Variants in FRMPD3 observed in about 807,000 individuals in gnomAD.
FRMPD3 encodes FERM and PDZ domain containing 3, also known as FERM and PDZ domain-containing protein 3.
FRMPD3 carries 42 observed loss-of-function variants against 97.9 expected under a neutral mutation model. That is an observed-to-expected ratio of 0.43 (90% CI 0.34 to 0.55). The LOEUF (loss-of-function observed/expected upper bound fraction) is 0.55. Ranked by LOEUF, FRMPD3 falls within the 20% of genes least tolerant of loss-of-function variation. FRMPD3 has a pLI of 0.03. For synonymous variants in FRMPD3, 577 were observed against 581.1 expected (o/e 0.99, Z 0.10); for missense variants, 1,303 against 1,457.7 (o/e 0.89, Z 1.73).
In FRMPD3 at chrX:107,600,559, A is replaced by G. The variant is rs749886736; in HGVS notation, c.2520A>G (p.Pro840=). The change falls in exon 15 of 15, where the codon CCA becomes CCG. Residue 840 remains proline (P), a synonymous_variant. Coordinates refer to ENST00000683843, the MANE Select transcript of FRMPD3 (RefSeq NM_001388459.1). ...PYSLGRPDPN[P]SLQPIATGQS... ...CTCTTGGGCGCCCGGATCCCAACCC[A>G]TCTCTCCAACCCATTGCCACAGGCC... 1.7e-6 allele frequency: 2 copies of G among 1,209,519 alleles called. No individual in the cohort carries two copies. Among genetic ancestry groups the G allele is most frequent in the Non-Finnish European group, 2.2e-6 (2 of 894,928 alleles).
intron 3 of FRMPD3, among the ~76,000 whole-genome samples, chrX:107,532,490 G>A (rs188634599): frequency 1.1e-3 from 123 of 112,581 alleles, no homozygotes; most frequent in Middle Eastern, 4.6e-3. Flanking sequence ...GGGAGACATG[G>A]CAAGGGGCTG....
At chrX:107,517,432 C>T (rs1442982758) in intron 1 of FRMPD3, among the ~76,000 whole-genome samples, 1 of 111,182 alleles carries the variant, frequency 9.0e-6, no homozygotes, top group Non-Finnish European at 1.9e-5. Flanking sequence ...GGAGAGAGGG[C>T]GAGTGATGAA....
chrX:107,478,588 G>C (rs1921259494), intron 1 of FRMPD3, among the ~76,000 whole-genome samples: 1 of 111,671 alleles, frequency 9.0e-6, no homozygotes, highest in African/African-American at 3.3e-5. Flanking sequence ...TCAAGCATCT[G>C]GTCCAGGGTG....
chrX:107,495,991 C>T (rs1921767752), intron 1 of FRMPD3, among the ~76,000 whole-genome samples: 1 of 111,761 alleles, frequency 8.9e-6, no homozygotes, highest in African/African-American at 3.3e-5. Flanking sequence ...CTTGTGTGAT[C>T]TTTAGCAAGT....
At chrX:107,588,147 G>T (rs1197750300) in intron 13 of FRMPD3, among the ~76,000 whole-genome samples, 2 of 111,517 alleles carry the variant, frequency 1.8e-5, no homozygotes, top group African/African-American at 6.5e-5. Flanking sequence ...GCTTCCCTTT[G>T]TAGGTGACCT....
chrX:107,553,284 G>C (rs374618964), intron 7 of FRMPD3, among the ~76,000 whole-genome samples: 7 of 107,957 alleles, frequency 6.5e-5, no homozygotes, highest in Non-Finnish European at 1.3e-4. Flanking sequence ...CATGAAGGCT[G>C]TTATGGAAGG....
At chrX:107,482,408 C>T (rs201585952) in intron 1 of FRMPD3, among the ~76,000 whole-genome samples, 1 of 112,085 alleles carries the variant, frequency 8.9e-6, no homozygotes, top group Admixed American at 9.5e-5. Flanking sequence ...CAGTCTGAAG[C>T]TCCTGATCTC....
chrX:107,504,500 A>G (rs1020638126), intron 1 of FRMPD3, among the ~76,000 whole-genome samples: 35 of 112,472 alleles, frequency 3.1e-4, no homozygotes, highest in African/African-American at 1.1e-3. Context: ...TACTTGGGGT[A>G]GGAGAGAGTA....
At position 107,601,480 on chromosome X, in the gene FRMPD3, C is replaced by T; in HGVS notation, c.3441C>T (p.Cys1147=). The part of the protein sequence containing the change: ...SCQSRSHSPS[C]QPHGHSPSSQ... ...AGTCAAGAAGCCACAGCCCCAGCTG[C>T]CAGCCTCATGGCCACAGCCCCAGCA... is the stretch of plus-strand genomic sequence containing the variant. The change falls in exon 15 of 15, where the codon TGC becomes TGT. Residue 1147 remains cysteine, a synonymous_variant. Coordinates refer to ENST00000683843, the MANE Select transcript of FRMPD3 (RefSeq NM_001388459.1). The T allele has an allele frequency of 8.5e-7, 1 of 1,170,807 alleles. No individual in the cohort carries two copies. The highest frequency in any genetic ancestry group is 1.1e-6 in the Non-Finnish European group (1 of 875,572).
chrX:107,518,138 T>C (rs767560887), intron 1 of FRMPD3, among the ~76,000 whole-genome samples: 2 of 110,852 alleles, frequency 1.8e-5, no homozygotes, highest in African/African-American at 3.3e-5. Context: ...GTAAGAATGG[T>C]AATAAGTAGG....
chrX:107,532,837 A>T, intron 3 of FRMPD3, among the ~76,000 whole-genome samples: 1 of 112,791 alleles, frequency 8.9e-6, no homozygotes, highest in Non-Finnish European at 1.9e-5. Flanking sequence ...TTCTTTTAAA[A>T]GATTATGTAT....
chrX:107,466,989 GGTGTGTGTGTGT>G (rs773231357), intron 1 of FRMPD3, among the ~76,000 whole-genome samples: 2 of 98,170 alleles, frequency 2.0e-5, no homozygotes, highest in Middle Eastern at 0.01. Context: ...ACAGGTTGGA[GGTGTGTGTGTGT>G]GTGTGTGTGT....
chrX:107,477,477 G>A (rs1160340159), intron 1 of FRMPD3, among the ~76,000 whole-genome samples: 1 of 112,711 alleles, frequency 8.9e-6, no homozygotes, highest in African/African-American at 3.2e-5. Context: ...AAGCAAGTCT[G>A]GGTAATGATA....
chrX:107,537,477 C>T (rs191179041), intron 4 of FRMPD3, among the ~76,000 whole-genome samples: 10 of 111,729 alleles, frequency 9.0e-5, no homozygotes, highest in African/African-American at 1.3e-4. Flanking sequence ...TACACACACA[C>T]GGGGCTAATT....
chrX:107,527,803 C>T (rs927556847), intron 2 of FRMPD3, among the ~76,000 whole-genome samples: 5 of 111,396 alleles, frequency 4.5e-5, no homozygotes, highest in Non-Finnish European at 5.6e-5. Flanking sequence ...TTTTTGTAAG[C>T]TCTCTCTTCA....
intron 5 of FRMPD3, 70 bp downstream of exon 5, chrX:107,545,911 T>C (rs1192858308): frequency 2.4e-6 from 2 of 845,519 alleles, no homozygotes; most frequent in East Asian, 3.3e-5. Context: ...GCTCTCGCTC[T>C]GGGGCTTCTT....
intron 1 of FRMPD3, among the ~76,000 whole-genome samples, chrX:107,500,151 C>A (rs1199400034): frequency 1.5e-4 from 17 of 111,783 alleles, no homozygotes; most frequent in Non-Finnish European, 3.0e-4. Flanking sequence ...TAAATGCCAG[C>A]TGACACTTGG....
chrX:107,474,836 G>A (rs1376520411), intron 1 of FRMPD3, among the ~76,000 whole-genome samples: 2 of 111,894 alleles, frequency 1.8e-5, no homozygotes. Context: ...GTACACGGGG[G>A]GGAAAAAGGA....
chrX:107,542,211 G>A (rs961035778), intron 4 of FRMPD3, among the ~76,000 whole-genome samples: 1 of 112,536 alleles, frequency 8.9e-6, no homozygotes, highest in Non-Finnish European at 1.9e-5. Flanking sequence ...CAGGATTGGA[G>A]CACCAGGCTG....
Sources: allele counts gnomAD v4.1 joint callset (sites outside exome capture counted in the v4.1 genomes callset), GRCh38; gene constraint gnomAD v4.1.1; transcripts MANE v1.5; gene names NCBI Gene and HGNC (gene_info 2026-07-23, HGNC 2026-07-21).